Variants in TMC1 observed in about 807,000 individuals in gnomAD.
TMC1 encodes transmembrane channel like 1.
A neutral mutation model predicts 105.8 loss-of-function variants in TMC1; 84 were observed. The observed-to-expected ratio is 0.79, with a 90% CI of 0.67 to 0.95. The LOEUF (loss-of-function observed/expected upper bound fraction) is 0.95, where lower values mean the gene tolerates loss of function less well. Ranked by LOEUF, TMC1 falls within the 40% of genes least tolerant of loss-of-function variation. The pLI is 0.00. For synonymous variants in TMC1, 315 were observed against 311.5 expected (o/e 1.01, Z -0.12); for missense variants, 817 against 914.1 (o/e 0.89, Z 1.37).
intron 8 of TMC1, among the ~76,000 whole-genome samples, chr9:72,731,693 G>A (rs1827214140): frequency 6.6e-6 from 1 of 152,010 alleles, no homozygotes; most frequent in African/African-American, 2.4e-5. Flanking sequence ...GTGACATTAG[G>A]GCATGCCAGA....
chr9:72,549,742 C>T (rs967244712), intron 1 of TMC1, among the ~76,000 whole-genome samples: 1 of 151,942 alleles, frequency 6.6e-6, no homozygotes, highest in Non-Finnish European at 1.5e-5. Context: ...TCCTGAGTAG[C>T]TGGGACTACA....
intron 1 of TMC1, among the ~76,000 whole-genome samples, chr9:72,551,217 T>C (rs766244389): frequency 2.0e-5 from 3 of 152,162 alleles, no homozygotes; most frequent in Non-Finnish European, 4.4e-5. Flanking sequence ...ACTTCTGACT[T>C]CCAAAAACTG....
chr9:72,734,232 T>C (rs1367386525), intron 8 of TMC1, among the ~76,000 whole-genome samples: 1 of 152,208 alleles, frequency 6.6e-6, no homozygotes, highest in Non-Finnish European at 1.5e-5. Flanking sequence ...TGACTACTTG[T>C]AACAAACTGT....
chr9:72,798,269 A>G (rs1263598565), intron 17 of TMC1, among the ~76,000 whole-genome samples: 1 of 152,158 alleles, frequency 6.6e-6, no homozygotes, highest in Non-Finnish European at 1.5e-5. Context: ...TGTTAGTGGG[A>G]ATGTAAAATA....
chr9:72,751,306 T>C (rs1009674140), intron 10 of TMC1, among the ~76,000 whole-genome samples: 1 of 152,208 alleles, frequency 6.6e-6, no homozygotes. Context: ...TTTTATACCA[T>C]CCCTGTAAAA....
chr9:72,790,658 A>G (rs1828251804), intron 15 of TMC1, among the ~76,000 whole-genome samples: 1 of 152,124 alleles, frequency 6.6e-6, no homozygotes, highest in Admixed American at 6.6e-5. Context: ...TTTAACATAT[A>G]TTTTAGGGAC....
intron 1 of TMC1, among the ~76,000 whole-genome samples, chr9:72,536,340 T>C (rs1014557817): frequency 2.0e-5 from 3 of 152,158 alleles, no homozygotes; most frequent in South Asian, 4.1e-4. Flanking sequence ...GCGGCAGACA[T>C]TCTTTTTTTT....
At chr9:72,601,866 T>G (rs139183495) in intron 2 of TMC1, among the ~76,000 whole-genome samples, 1 of 152,290 alleles carries the variant, frequency 6.6e-6, no homozygotes, top group Non-Finnish European at 1.5e-5. Context: ...ACCAAAATTC[T>G]TGGGACCAGA....
At chr9:72,525,438 T>C (rs1823389421) in intron 1 of TMC1, among the ~76,000 whole-genome samples, 1 of 152,188 alleles carries the variant, frequency 6.6e-6, no homozygotes, top group African/African-American at 2.4e-5. Flanking sequence ...GCCTTAGGCT[T>C]GTGTGATGGG....
rs140558354 is a variant in TMC1 at position 72,675,440 on chromosome 9, A to T, written c.17-13269A>T. Among the ~76,000 whole-genome samples the T allele has an allele frequency of 4.2e-3, 638 of 152,298 alleles. 5 individuals are homozygous for T. The highest frequency in any genetic ancestry group is 0.015 in the African/African-American group (612 of 41,568). On this transcript the variant is annotated intron_variant, in intron 5 of 23. Coordinates refer to ENST00000297784, the MANE Select transcript of TMC1 (RefSeq NM_138691.3). ...CCAATAACCAAAGTGATTCCATCCC[A>T]TGTGAGGGAAAAAAAGGATAATGGT...
chr9:72,560,196 T>A (rs1013777845), intron 1 of TMC1, among the ~76,000 whole-genome samples: 1 of 152,218 alleles, frequency 6.6e-6, no homozygotes, highest in Non-Finnish European at 1.5e-5. Flanking sequence ...CTTGTGCAAC[T>A]GTCAATCTCT....
intron 13 of TMC1, among the ~76,000 whole-genome samples, chr9:72,777,951 T>C (rs1828032074): frequency 6.6e-6 from 1 of 152,236 alleles, no homozygotes; most frequent in South Asian, 2.1e-4. Flanking sequence ...CATGTATTCA[T>C]TCATTTGATT....
intron 3 of TMC1, among the ~76,000 whole-genome samples, chr9:72,626,358 G>A (rs142258054): frequency 6.6e-6 from 1 of 152,330 alleles, no homozygotes; most frequent in Non-Finnish European, 1.5e-5. Context: ...TAAGGAGAAA[G>A]ATCTGGCTTG....
At chr9:72,794,731 C>G (rs1828333855) in intron 17 of TMC1, among the ~76,000 whole-genome samples, 1 of 152,154 alleles carries the variant, frequency 6.6e-6, no homozygotes, top group South Asian at 2.1e-4. Flanking sequence ...TGTATGTCCT[C>G]CAAACAACCA....
At chr9:72,551,773 C>A (rs144460955) in intron 1 of TMC1, among the ~76,000 whole-genome samples, 175 of 152,196 alleles carry the variant, frequency 1.1e-3, no homozygotes, top group African/African-American at 4.0e-3. Flanking sequence ...TCATACCGGA[C>A]TAGGGTGGGC....
At chr9:72,754,283 A>G (rs1827636937) in intron 11 of TMC1, among the ~76,000 whole-genome samples, 1 of 152,150 alleles carries the variant, frequency 6.6e-6, no homozygotes, top group South Asian at 2.1e-4. Context: ...AGCAGACACC[A>G]TAATCAGGGT....
At chr9:72,793,906 G>A (rs771879851) in intron 17 of TMC1, among the ~76,000 whole-genome samples, 19 of 152,122 alleles carry the variant, frequency 1.2e-4, no homozygotes, top group Non-Finnish European at 2.5e-4. Context: ...CCCTGGACAG[G>A]ATCCCCAGGG....
intron 1 of TMC1, among the ~76,000 whole-genome samples, chr9:72,536,318 C>G (rs559266758): frequency 2.0e-5 from 3 of 152,198 alleles, no homozygotes; most frequent in Non-Finnish European, 4.4e-5. Context: ...CCATCCAAGT[C>G]TGAAACCCAG....
chr9:72,662,138 T>A (rs1405725259), intron 5 of TMC1, among the ~76,000 whole-genome samples: 1 of 152,108 alleles, frequency 6.6e-6, no homozygotes, highest in Non-Finnish European at 1.5e-5. Flanking sequence ...CCATTTCCTG[T>A]GCTTCTTTTT....
Sources: allele counts gnomAD v4.1 joint callset (sites outside exome capture counted in the v4.1 genomes callset), GRCh38; gene constraint gnomAD v4.1.1; transcripts MANE v1.5; gene names NCBI Gene and HGNC (gene_info 2026-07-23, HGNC 2026-07-21).